Variants in ECHDC1 observed in about 807,000 individuals in gnomAD.
ECHDC1 encodes the protein ethylmalonyl-CoA decarboxylase 1.
A neutral mutation model predicts 29.7 loss-of-function variants in ECHDC1; 29 were observed. The ratio of observed to expected loss-of-function variants is 0.98; its 90% CI spans 0.73 to 1.33. ECHDC1 has a LOEUF of 1.33. Among genes scored for constraint, ECHDC1 ranks in the 40% most tolerant of loss-of-function variants. The pLI is 0.00. For synonymous variants in ECHDC1, 126 were observed against 123.1 expected (o/e 1.02, Z -0.15); for missense variants, 328 against 350.0 (o/e 0.94, Z 0.50).
At chr6:127,322,678 A>G (rs1782938739) in intron 3 of ECHDC1, among the ~76,000 whole-genome samples, 1 of 151,746 alleles carries the variant, frequency 6.6e-6, no homozygotes, top group Non-Finnish European at 1.5e-5. Flanking sequence ...GTATATATAA[A>G]ACAATAAGCA....
intron 5 of ECHDC1, among the ~76,000 whole-genome samples, chr6:127,296,609 GA>G (rs1562305423): frequency 6.6e-6 from 1 of 151,818 alleles, no homozygotes; most frequent in Non-Finnish European, 1.5e-5. Context: ...AAAATTGAAG[GA>G]AAAAAACAAA....
chr6:127,301,619 T>C (rs762401957), intron 5 of ECHDC1, among the ~76,000 whole-genome samples: 2 of 152,202 alleles, frequency 1.3e-5, no homozygotes, highest in African/African-American at 2.4e-5. Flanking sequence ...GATTTATCAC[T>C]TCCTGGAAAC....
intron 4 of ECHDC1, chr6:127,316,187 A>G (rs1004875162): frequency 4.1e-5 from 19 of 458,496 alleles, no homozygotes; most frequent in Non-Finnish European, 7.9e-5. Context: ...ATTCCTAAAT[A>G]CAGCTAGTTA....
At chr6:127,331,904 T>C (rs1321539770) in intron 1 of ECHDC1, 1 of 984,052 alleles carries the variant, frequency 1.0e-6, no homozygotes, top group African/African-American at 1.7e-5. Context: ...AATGTGTGTG[T>C]GGTTTTTCTG....
intron 5 of ECHDC1, among the ~76,000 whole-genome samples, chr6:127,311,818 T>C (rs1000593064): frequency 2.1e-5 from 3 of 146,294 alleles, no homozygotes; most frequent in Non-Finnish European, 4.5e-5. Flanking sequence ...GTATGATAAA[T>C]GAAAAAAACT....
chr6:127,319,841 T>C (rs954570372), intron 3 of ECHDC1, among the ~76,000 whole-genome samples: 4 of 152,100 alleles, frequency 2.6e-5, no homozygotes, highest in African/African-American at 9.7e-5. Flanking sequence ...AGAACAATGC[T>C]CAACCAAAAT....
At chr6:127,315,133 A>G (rs1582967229) in intron 4 of ECHDC1, 1 of 651,252 alleles carries the variant, frequency 1.5e-6, no homozygotes, top group African/African-American at 1.8e-5. Context: ...TCATTAAAAT[A>G]CCTCCCTGAA....
At chr6:127,328,873 A>G (rs1456904942) in intron 2 of ECHDC1, among the ~76,000 whole-genome samples, 2 of 152,014 alleles carry the variant, frequency 1.3e-5, no homozygotes. Flanking sequence ...AAAAATATAA[A>G]AAAACTAGCC....
chr6:127,301,716 G>T (rs952585510), intron 5 of ECHDC1, among the ~76,000 whole-genome samples: 14 of 152,268 alleles, frequency 9.2e-5, no homozygotes, highest in African/African-American at 3.4e-4. Flanking sequence ...TGGTATGCGG[G>T]TTTTAAAAGG....
At position 127,316,602 on chromosome 6, in the gene ECHDC1, GT is replaced by G. The variant is rs538636384; in HGVS notation, c.364-101del. The G allele has an allele frequency of 1.2e-4, 114 of 919,072 alleles. No individual in the cohort carries two copies. In the African/African-American group the frequency reaches 1.9e-3, roughly 15 times the overall value. 56.9% of individuals were successfully genotyped at this position (919,072 alleles called of 1,614,324 possible). The stretch of plus-strand genomic sequence containing the variant: ...TAGAAAGTAATGAAGCCAAAAATAT[GT>G]CTTTTTTAAACAATGACATTTCCAT... On this transcript the variant is annotated intron_variant, in intron 3 of 5. Coordinates refer to ENST00000454859, the MANE Select transcript of ECHDC1 (RefSeq NM_001002030.2).
chr6:127,294,830 G>C (rs1308004794), intron 5 of ECHDC1: 2 of 139,794 alleles, frequency 1.4e-5, no homozygotes, highest in Non-Finnish European at 1.5e-5. Flanking sequence ...TCAGAGTAAA[G>C]TTACTTCCAA....
chr6:127,321,754 G>C (rs1453957090), intron 3 of ECHDC1, among the ~76,000 whole-genome samples: 1 of 152,178 alleles, frequency 6.6e-6, no homozygotes, highest in Non-Finnish European at 1.5e-5. Flanking sequence ...TGTAATCCTA[G>C]CACTTTGGGA....
chr6:127,334,914 G>A (rs1784300436), intron 1 of ECHDC1, among the ~76,000 whole-genome samples: 1 of 151,136 alleles, frequency 6.6e-6, no homozygotes, highest in South Asian at 2.1e-4. Flanking sequence ...CAGTTGGAAG[G>A]ATGCTTCCTG....
intron 1 of ECHDC1, among the ~76,000 whole-genome samples, chr6:127,338,863 T>C (rs892840028): frequency 1.3e-5 from 2 of 152,222 alleles, no homozygotes; most frequent in African/African-American, 4.8e-5. Flanking sequence ...TAACCAGTAC[T>C]GAAAAAGTTA....
At chr6:127,303,323 A>C (rs895069571) in intron 5 of ECHDC1, among the ~76,000 whole-genome samples, 2 of 152,216 alleles carry the variant, frequency 1.3e-5, no homozygotes, top group Non-Finnish European at 2.9e-5. Flanking sequence ...TTCAGGGTAA[A>C]AGCCAAGTTG....
At chr6:127,307,648 G>GAAAAAAAAAAAAAAA (rs71024770) in intron 5 of ECHDC1, among the ~76,000 whole-genome samples, 10,734 of 45,806 alleles carry the variant, frequency 0.23, 2,801 homozygotes, top group Non-Finnish European at 0.33. Context: ...CTCTGTCTCA[G>GAAAAAAAAAAAAAAA]AAAAAAAAAA....
chr6:127,332,000 G>A, intron 1 of ECHDC1: 1 of 350,622 alleles, frequency 2.9e-6, no homozygotes, highest in Non-Finnish European at 4.0e-6. Context: ...CTTGCCCTAT[G>A]TAAACATCCT....
intron 5 of ECHDC1, among the ~76,000 whole-genome samples, chr6:127,292,511 A>G (rs1380111121): frequency 6.6e-6 from 1 of 151,974 alleles, no homozygotes; most frequent in African/African-American, 2.4e-5. Context: ...TTATGTACTG[A>G]TATACATTAA....
At chr6:127,320,528 T>C (rs1782751486) in intron 3 of ECHDC1, among the ~76,000 whole-genome samples, 1 of 152,186 alleles carries the variant, frequency 6.6e-6, no homozygotes, top group South Asian at 2.1e-4. Context: ...TGCCAGACTT[T>C]TCCTTGAGGC....
Sources: allele counts gnomAD v4.1 joint callset (sites outside exome capture counted in the v4.1 genomes callset), GRCh38; gene constraint gnomAD v4.1.1; transcripts MANE v1.5; gene names NCBI Gene and HGNC (gene_info 2026-07-23, HGNC 2026-07-21).